PIEZO1: variants seen among roughly 807,000 people sequenced by gnomAD.
PIEZO1 encodes the protein piezo type mechanosensitive ion channel component 1 (Er blood group).
PIEZO1 carries 296 observed loss-of-function variants against 297.2 expected under a neutral mutation model. That is an observed-to-expected ratio of 1.00 (90% CI 0.91 to 1.10). The LOEUF (loss-of-function observed/expected upper bound fraction) is 1.10. Among genes scored for constraint, PIEZO1 ranks in the 50% least tolerant of loss-of-function variants. The pLI, the probability that PIEZO1 is intolerant of heterozygous loss-of-function variation, is 0.00. For missense variants in PIEZO1, 5,018 were observed against 3,455.5 expected (o/e 1.45, Z -11.34); for synonymous variants, 2,427 against 1,507.5 (o/e 1.61, Z -14.13).
At chr16:88,737,492 A>G in intron 10 of PIEZO1, 67 bp downstream of exon 10, 6 of 1,139,158 alleles carry the variant, frequency 5.3e-6, no homozygotes, top group Non-Finnish European at 6.2e-6. Context: ...GGCGGCCACC[A>G]GGGGGCAGCA....
At chr16:88,720,351 C>A (rs776134682) in intron 41 of PIEZO1, 34 bp downstream of exon 41, 1 of 1,549,978 alleles carries the variant, frequency 6.5e-7, no homozygotes, top group South Asian at 1.2e-5. Flanking sequence ...CTGAGCTCTG[C>A]GTACACTGGG....
chr16:88,759,590 G>T (rs942776426), intron 1 of PIEZO1, among the ~76,000 whole-genome samples: 1 of 152,208 alleles, frequency 6.6e-6, no homozygotes, highest in Non-Finnish European at 1.5e-5. Context: ...AGCTCCTGGC[G>T]GCCGCTGCTC....
At position 88,736,253 on chromosome 16, in the gene PIEZO1, C is replaced by T. The variant is rs1404932330; in HGVS notation, c.1452G>A (p.Trp484Ter). The part of the protein sequence containing the change: ...GMTLCCLRYV[W>*]AMDLRPELPT... ...GCAGCTCAGGGCGCAGGTCCATGGC[C>T]CACACGTAGCGTAGGCAGCACAGCG... Residue 484 changes from tryptophan to a stop codon, truncating the protein, a stop_gained, in exon 12 of 51, where the codon TGG becomes TGA. Transcript: ENST00000301015. LOFTEE classifies it high-confidence loss of function. 1 of 1,550,118 alleles carries T rather than the reference C, an allele frequency of 6.5e-7. No individual in the cohort carries two copies. The highest frequency in any genetic ancestry group is 8.7e-7 in the Non-Finnish European group (1 of 1,146,818).
chr16:88,759,664 A>C (rs1160803930), intron 1 of PIEZO1, among the ~76,000 whole-genome samples: 1 of 152,166 alleles, frequency 6.6e-6, no homozygotes, highest in Non-Finnish European at 1.5e-5. Flanking sequence ...GAGCACAAAA[A>C]GCAAACCCAG....
At chr16:88,759,986 G>T (rs1274840710) in intron 1 of PIEZO1, among the ~76,000 whole-genome samples, 1 of 152,096 alleles carries the variant, frequency 6.6e-6, no homozygotes, top group Non-Finnish European at 1.5e-5. Flanking sequence ...CTCCGCACAG[G>T]CTCCCAAAAC....
At chr16:88,725,725 G>T in intron 27 of PIEZO1, 41 bp from the exon 28 acceptor site, 1 of 1,065,968 alleles carries the variant, frequency 9.4e-7, no homozygotes, top group Non-Finnish European at 1.4e-6. Context: ...CCAGGCACTC[G>T]ACCCCAGCAA....
chr16:88,750,745 C>T (rs1434896507), intron 1 of PIEZO1, among the ~76,000 whole-genome samples: 1 of 152,228 alleles, frequency 6.6e-6, no homozygotes, highest in Non-Finnish European at 1.5e-5. Flanking sequence ...CGCAGGGGAC[C>T]TGAGGGACCA....
rs1327561640 is a variant in PIEZO1, at chr16:88,726,781, G to A, written c.3633C>T (p.Arg1211=). The A allele has an allele frequency of 1.9e-6, 3 of 1,550,288 alleles. No homozygotes were observed. Among genetic ancestry groups the A allele is most frequent in the Admixed American group, 3.9e-5 (2 of 51,010 alleles). Residue 1211 remains arginine (R), a synonymous_variant, in exon 25 of 51, where the codon CGC becomes CGT. Coordinates refer to ENST00000301015, the MANE Select transcript of PIEZO1 (RefSeq NM_001142864.4). ...TALLQRDTRA[R]LVLWDCLILY... Reference sequence around the variant, plus strand: ...GAATGAGGCAGTCCCACAGCACGAGGCGGGCCCGTGTGTCCCTCTGCAGCA... The same window carrying A: ...GAATGAGGCAGTCCCACAGCACGAGACGGGCCCGTGTGTCCCTCTGCAGCA...
At position 88,732,446 on chromosome 16, in the gene PIEZO1, C is replaced by G. The variant is rs1260086862; in HGVS notation, c.2880G>C (p.Pro960=). ...EHYRRQHQLA[P]LPAQAVFASG... is the part of the protein sequence containing the mutation. ...TGGCAAACACGGCCTGGGCAGGCAGCGGGGCCAGCTGGTGCTGCCGGCGGT... is the reference window on the plus strand; with the variant it reads ...TGGCAAACACGGCCTGGGCAGGCAGGGGGGCCAGCTGGTGCTGCCGGCGGT... Residue 960 remains proline, a synonymous_variant, in exon 21 of 51, where the codon CCG becomes CCC. Transcript: ENST00000301015. The G allele has an allele frequency of 6.5e-7, 1 of 1,549,582 alleles. No homozygotes were observed. Among genetic ancestry groups the G allele is most frequent in the Non-Finnish European group, 8.7e-7 (1 of 1,146,456 alleles).
intron 1 of PIEZO1, among the ~76,000 whole-genome samples, chr16:88,759,150 G>C (rs927481132): frequency 6.6e-6 from 1 of 152,240 alleles, no homozygotes. Context: ...AGGGCAGGTC[G>C]CTTGGTCCAA....
chr16:88,723,359 C>A, intron 31 of PIEZO1, 31 bp from the exon 32 acceptor site: 1 of 1,535,284 alleles, frequency 6.5e-7, no homozygotes, highest in Non-Finnish European at 8.7e-7. Context: ...TAGGACCCGG[C>A]CTCCCGAGCC....
chr16:88,725,602 T>G lies in PIEZO1; in HGVS notation c.4051A>C (p.Lys1351Gln). The G allele has an allele frequency of 6.5e-7, 1 of 1,548,492 alleles. No individual in the cohort carries two copies. The highest frequency in any genetic ancestry group is 8.7e-7 in the Non-Finnish European group (1 of 1,145,096). The stretch of plus-strand genomic sequence containing the variant: ...CGCCCCAGAGGCACCTACTGTCTTT[T>G]CAGCTGGGCCAGGGACTTCTCCTCT... ...RIEEKSLAQL[K>Q]RQMERIRAKQ... is the part of the protein sequence containing the mutation. The change falls in exon 28 of 51, where the codon AAA (lysine) becomes CAA (glutamine). Residue 1351 changes from lysine (K) to glutamine (Q), a missense_variant. Transcript: ENST00000301015.
At chr16:88,716,997 G>T in intron 45 of PIEZO1, 26 bp downstream of exon 45, 1 of 1,548,898 alleles carries the variant, frequency 6.5e-7, no homozygotes, top group Non-Finnish European at 8.7e-7. Context: ...GGATGGGAAT[G>T]GACAGGCGGA....
chr16:88,737,175 G>C, intron 10 of PIEZO1: 1 of 267,704 alleles, frequency 3.7e-6, no homozygotes, highest in Non-Finnish European at 7.2e-6. Flanking sequence ...TCCCAGGCCA[G>C]CCCCTGCCCT....
At chr16:88,726,485 C>T (rs1904442555) in intron 26 of PIEZO1, 30 bp from the exon 27 acceptor site, 1 of 1,548,274 alleles carries the variant, frequency 6.5e-7, no homozygotes, top group African/African-American at 1.4e-5. Flanking sequence ...AAGGGTCAGG[C>T]CCAGGGCCCA....
intron 1 of PIEZO1, among the ~76,000 whole-genome samples, chr16:88,758,749 A>G (rs946448133): frequency 3.3e-5 from 5 of 152,318 alleles, no homozygotes; most frequent in East Asian, 1.9e-4. Flanking sequence ...GATGAGCCCA[A>G]TCTCCTCTGT....
Position 88,722,210 on chromosome 16 carries a change from G to T in PIEZO1, c.4955+8C>A. On this transcript the variant is annotated splice_region_variant and intron_variant, in intron 36 of 50. Coordinates refer to ENST00000301015, the MANE Select transcript of PIEZO1 (RefSeq NM_001142864.4). ...GTGAGGCTGGTGTTGTGCGCGTCCC[G>T]CCCCCACCTGTCCAGGAGCAGCTCG... 1 of 1,544,078 alleles carries T rather than the reference G, an allele frequency of 6.5e-7. No individual in the cohort carries two copies. Among genetic ancestry groups the T allele is most frequent in the Non-Finnish European group, 8.7e-7 (1 of 1,146,146 alleles).
rs541530110 is a variant in PIEZO1 at position 88,731,769 on chromosome 16, G to A, written c.3133C>T (p.Leu1045=). The change falls in exon 22 of 51, where the codon CTG becomes TTG. Residue 1045 remains leucine, a synonymous_variant. Transcript: ENST00000301015. The stretch of plus-strand genomic sequence containing the variant: ...TACTGGTACAGCAGGAACAGCGCCA[G>A]GAAGAGGCAGTAGTTGGGCCAGAGG... ...ARLWPNYCLF[L]ALFLLYQYLL... The A allele has an allele frequency of 3.9e-6, 6 of 1,549,758 alleles. No individual in the cohort carries two copies. The Admixed American group carries it at 5.9e-5, about 15-fold the overall frequency.
intron 1 of PIEZO1, among the ~76,000 whole-genome samples, chr16:88,756,625 G>C (rs1215361129): frequency 3.3e-5 from 5 of 152,020 alleles, no homozygotes; most frequent in Non-Finnish European, 7.4e-5. Context: ...AAATGTATCT[G>C]GGTGTGGTGG....
Sources: gnomAD v4.1 joint callset for allele counts (sites outside exome capture counted in the v4.1 genomes callset) on GRCh38, gnomAD v4.1.1 for gene constraint, MANE v1.5 for transcripts, NCBI Gene and HGNC (gene_info 2026-07-23, HGNC 2026-07-21) for gene names.